The following TICRR variants were observed in gnomAD, a reference collection of about 807,000 sequenced individuals.
TICRR encodes treslin.
A neutral mutation model predicts 178.1 loss-of-function variants in TICRR; 132 were observed. That is an observed-to-expected ratio of 0.74 (90% confidence interval 0.64 to 0.86). TICRR has a LOEUF of 0.86. TICRR is among the 40% of genes least tolerant of loss of function. The probability of loss-of-function intolerance (pLI) is 0.00; values close to 1 mark genes in which losing one functional copy is unlikely to be tolerated. For missense variants in TICRR, 2,587 were observed against 2,334.3 expected (o/e 1.11, Z -2.23); for synonymous variants, 991 against 900.7 (o/e 1.10, Z -1.79).
At chr15:89,583,977 C>A (rs369727663) in intron 2 of TICRR, among the ~76,000 whole-genome samples, 1 of 152,180 alleles carries the variant, frequency 6.6e-6, no homozygotes, top group Non-Finnish European at 1.5e-5. Context: ...CATGAGCCAC[C>A]GTGCCTGGCC....
chr15:89,604,315 T>A (rs1442120943), intron 13 of TICRR, among the ~76,000 whole-genome samples: 3 of 152,228 alleles, frequency 2.0e-5, no homozygotes, highest in Admixed American at 6.5e-5. Flanking sequence ...AAAATGCATA[T>A]CTTATATATC....
rs1262330671 is a variant in TICRR at position 89,575,481 on chromosome 15, A to G, written c.-106A>G. The G allele has an allele frequency of 6.0e-5, 69 of 1,157,628 alleles. No homozygotes were observed. Among genetic ancestry groups the G allele is most frequent in the Non-Finnish European group, 7.7e-5 (67 of 865,326 alleles). The allele number at this position is 1,157,628 out of a possible 1,614,324, so 71.7% of individuals were successfully genotyped here. On this transcript the variant is annotated 5_prime_UTR_variant, in exon 1 of 22. Coordinates refer to ENST00000268138, the MANE Select transcript of TICRR (RefSeq NM_152259.4). ...TGGAGAGCGCGGGAGCCTTTCGACC[A>G]GGGTCCCAAAGGAAAGCAGTGAGTG...
At chr15:89,584,600 A>G in intron 3 of TICRR, 73 bp downstream of exon 3, 1 of 1,440,596 alleles carries the variant, frequency 6.9e-7, no homozygotes, top group Non-Finnish European at 9.3e-7. Context: ...TGTGTTTATA[A>G]ATGCCCTACA....
rs372322996 is a variant in TICRR, at chr15:89,626,015, G to A, written c.5556G>A (p.Leu1852=). Residue 1852 remains leucine, a synonymous_variant, in exon 21 of 22, where the codon CTG becomes CTA. Transcript: ENST00000268138. ...SALQALTQSP[L]LFQGKTPSSQ... ...TCCAGGCTCTGACCCAGTCTCCGCT[G>A]CTGTTCCAGGGGAAAACACCTTCCT... The A allele has an allele frequency of 1.4e-5, 23 of 1,613,634 alleles. No homozygotes were observed. Among genetic ancestry groups the A allele is most frequent in the Middle Eastern group, 1.6e-4 (1 of 6,062 alleles).
chr15:89,582,650 T>G, intron 1 of TICRR, 36 bp from the exon 2 acceptor site: 1 of 1,578,798 alleles, frequency 6.3e-7, no homozygotes. Flanking sequence ...ATGCCTAATT[T>G]ATAGTAACCT....
At chr15:89,618,914 G>A (rs975903965) in intron 17 of TICRR, among the ~76,000 whole-genome samples, 1 of 152,188 alleles carries the variant, frequency 6.6e-6, no homozygotes, top group South Asian at 2.1e-4. Flanking sequence ...AGCTATGATC[G>A]TGCCTCTGCA....
At chr15:89,589,610 G>T (rs1250857778) in intron 4 of TICRR, among the ~76,000 whole-genome samples, 1 of 152,192 alleles carries the variant, frequency 6.6e-6, no homozygotes. Flanking sequence ...GACTTGAGAA[G>T]AAATCATGTC....
rs775752189 is a variant in TICRR, at chr15:89,584,484, T to G, written c.1133T>G (p.Phe378Cys). 8 of 1,600,766 alleles carry G rather than the reference T, an allele frequency of 5.0e-6. No homozygotes were observed. Among genetic ancestry groups the G allele is most frequent in the Non-Finnish European group, 6.8e-6 (8 of 1,172,214 alleles). Residue 378 changes from phenylalanine to cysteine, a missense_variant, in exon 3 of 22, where the codon TTT (phenylalanine) becomes TGT (cysteine). By Grantham distance (205) the Phe-to-Cys change is radical. Coordinates refer to ENST00000268138, the MANE Select transcript of TICRR (RefSeq NM_152259.4). Reference protein sequence around the residue: ...EESTATQRLLFQQLVSRLTAE... With the variant: ...EESTATQRLLCQQLVSRLTAE... ...AGCACAGCAACTCAAAGGCTGTTAT[T>G]TCAGCAGTTGGTAAGCAGGCTGACT... is the stretch of plus-strand genomic sequence containing the variant.
chr15:89,593,988 C>G (rs1028088323), intron 5 of TICRR, among the ~76,000 whole-genome samples: 1 of 152,110 alleles, frequency 6.6e-6, no homozygotes, highest in Non-Finnish European at 1.5e-5. Context: ...TCATCAATCC[C>G]AAATTAGTTT....
Position 89,624,005 on chromosome 15 carries a change from C to T in TICRR, c.3695C>T (p.Ser1232Leu), listed in dbSNP as rs1462786279. ...SPSCPAPPTS[S>L]TAQPRRECLT... is the part of the protein sequence containing the mutation. ...TCCTGTCCAGCCCCTCCAACTTCAT[C>T]GACTGCCCAGCCCAGGAGAGAGTGT... Residue 1232 changes from serine (S) to leucine (L), a missense_variant, in exon 20 of 22, where the codon TCG becomes TTG. Physicochemically the swap from Ser to Leu is moderately radical, Grantham distance 145 (BLOSUM62 -2). Coordinates refer to ENST00000268138, the MANE Select transcript of TICRR (RefSeq NM_152259.4). 10 of 1,614,016 alleles carry T rather than the reference C, an allele frequency of 6.2e-6. No homozygotes were observed. Among genetic ancestry groups the T allele is most frequent in the South Asian group, 1.1e-5 (1 of 91,062 alleles).
At chr15:89,591,327 T>G (rs1299192344) in intron 4 of TICRR, among the ~76,000 whole-genome samples, 1 of 152,056 alleles carries the variant, frequency 6.6e-6, no homozygotes, top group Non-Finnish European at 1.5e-5. Context: ...TTTTGCCATG[T>G]TGGCCAGGCT....
intron 13 of TICRR, among the ~76,000 whole-genome samples, chr15:89,606,182 A>T (rs1293923773): frequency 6.6e-6 from 1 of 152,234 alleles, no homozygotes; most frequent in African/African-American, 2.4e-5. Flanking sequence ...TTATATACAT[A>T]TATATAAATG....
intron 15 of TICRR, among the ~76,000 whole-genome samples, chr15:89,610,646 T>C (rs1007042842): frequency 6.6e-6 from 1 of 152,222 alleles, no homozygotes; most frequent in Non-Finnish European, 1.5e-5. Context: ...TTTTAATCCA[T>C]TCTTCTTATC....
chr15:89,576,148 G>A lies in TICRR; in HGVS notation c.562G>A (p.Val188Met), dbSNP rs201861926. ...GCGCCTGCCGCCCACCCCTAAGCAG[G>A]TGATGGAGAAGTTGTTGCCCAAGAG... is the stretch of plus-strand genomic sequence containing the variant. ...AQRLPPTPKQ[V>M]MEKLLPKRVR... Residue 188 changes from valine (V) to methionine (M), a missense_variant, in exon 1 of 22, where the codon GTG (valine) becomes ATG (methionine). Val to Met is a conservative substitution (Grantham distance 21). Transcript: ENST00000268138. The A allele has an allele frequency of 3.1e-6, 5 of 1,607,298 alleles. No individual in the cohort carries two copies. The highest frequency in any genetic ancestry group is 1.3e-5 in the African/African-American group (1 of 75,068).
In TICRR at chr15:89,575,759, G is replaced by A. The variant is rs1962599622; in HGVS notation, c.173G>A (p.Arg58Gln). ...TTTGACTCGCAGGGGGCGCGGAGCC[G>A]GCCGTCCCGCGTGTCTGACTTCCGC... ...KFFDSQGARS[R>Q]PSRVSDFREL... is the part of the protein sequence containing the mutation. Residue 58 changes from arginine (R) to glutamine (Q), a missense_variant, in exon 1 of 22, where the codon CGG becomes CAG. Coordinates refer to ENST00000268138, the MANE Select transcript of TICRR (RefSeq NM_152259.4). 1 of 1,609,268 alleles carries A rather than the reference G, an allele frequency of 6.2e-7. No homozygotes were observed.
Position 89,576,158 on chromosome 15 carries a change from A to T in TICRR, c.572A>T (p.Lys191Met), listed in dbSNP as rs779309777. The change falls in exon 1 of 22, where the codon AAG (lysine) becomes ATG (methionine). Residue 191 changes from lysine to methionine, a missense_variant. Lys to Met is a moderately conservative substitution (Grantham distance 95). Coordinates refer to ENST00000268138, the MANE Select transcript of TICRR (RefSeq NM_152259.4). ...CCCACCCCTAAGCAGGTGATGGAGA[A>T]GTTGTTGCCCAAGAGAGTCCGGGAA... ...LPPTPKQVME[K>M]LLPKRVREVM... 5.0e-6 allele frequency: 8 copies of T among 1,605,826 alleles called. No individual in the cohort carries two copies. Among genetic ancestry groups the T allele is most frequent in the Non-Finnish European group, 6.8e-6 (8 of 1,179,968 alleles).
In TICRR at chr15:89,601,940, T is replaced by C; in HGVS notation, c.2531T>C (p.Leu844Pro). ...TCAGGCAGCCCTGAATCTGATGAAC[T>C]GCAGGAACTTCGTACCAGATCAGCC... ...SVSGSPESDE[L>P]QELRTRSAKK... Residue 844 changes from leucine (L) to proline (P), a missense_variant, in exon 12 of 22, where the codon CTG (leucine) becomes CCG (proline). Transcript: ENST00000268138. The C allele has an allele frequency of 4.3e-6, 7 of 1,614,192 alleles. No homozygotes were observed. The highest frequency in any genetic ancestry group is 5.9e-6 in the Non-Finnish European group (7 of 1,180,026).
intron 8 of TICRR, among the ~76,000 whole-genome samples, chr15:89,599,750 C>T (rs889942809): frequency 2.0e-5 from 3 of 152,144 alleles, no homozygotes; most frequent in South Asian, 4.1e-4. Flanking sequence ...ATGTTAGCTG[C>T]ATGATTAAGC....
At position 89,624,410 on chromosome 15, in the gene TICRR, G is replaced by A. The variant is rs200821083; in HGVS notation, c.4100G>A (p.Arg1367Lys). 27 of 1,614,062 alleles carry A rather than the reference G, an allele frequency of 1.7e-5. No individual in the cohort carries two copies. The highest frequency in any genetic ancestry group is 2.2e-5 in the Non-Finnish European group (26 of 1,180,050). Residue 1367 changes from arginine to lysine, a missense_variant, in exon 20 of 22, where the codon AGA becomes AAA. Coordinates refer to ENST00000268138, the MANE Select transcript of TICRR (RefSeq NM_152259.4). ...VPSTPPELSQRATLDTVPPPP... is the reference protein window; with the variant it reads ...VPSTPPELSQKATLDTVPPPP... ...TCAACTCCCCCTGAACTCTCACAGAGAGCTACATTGGACACCGTCCCTCCT... is the reference window on the plus strand; with the variant it reads ...TCAACTCCCCCTGAACTCTCACAGAAAGCTACATTGGACACCGTCCCTCCT...
Sources: gnomAD v4.1 joint callset for allele counts (sites outside exome capture counted in the v4.1 genomes callset) on GRCh38, gnomAD v4.1.1 for gene constraint, MANE v1.5 for transcripts, NCBI Gene and HGNC (gene_info 2026-07-23, HGNC 2026-07-21) for gene names.